The following CYP2C19 variants were observed in gnomAD, a reference collection of about 807,000 sequenced individuals.
CYP2C19 encodes the protein cytochrome P450 family 2 subfamily C member 19, also known as cytochrome P450 2C19.
In CYP2C19, 59 loss-of-function variants were observed where a neutral mutation model predicts 40.9. The observed-to-expected ratio is 1.44, with a 90% CI of 1.17 to 1.79. The LOEUF is 1.79. Ranked by LOEUF, CYP2C19 falls within the 40% of genes most tolerant of loss-of-function variation. CYP2C19 has a pLI of 0.00. For missense variants in CYP2C19, 754 were observed against 596.9 expected, an observed-to-expected ratio of 1.26 and a Z score of -2.74; for synonymous variants, 253 against 208.7, an observed-to-expected ratio of 1.21 and a Z score of -1.83.
chr10:94,854,217 C>T lies in CYP2C19; in HGVS notation c.*1303C>T, dbSNP rs1849699457. 6.6e-6 allele frequency among the ~76,000 whole-genome samples: 1 copy of T among 152,008 alleles called. No homozygotes were observed. The highest frequency in any genetic ancestry group is 1.5e-5 in the Non-Finnish European group (1 of 68,004). Reference sequence around the variant, plus strand: ...TATTTTTAGTAGAGACAGGGTTTCACTATGTGGGCCAGGCTAGTCTTGAAC... The same window carrying T: ...TATTTTTAGTAGAGACAGGGTTTCATTATGTGGGCCAGGCTAGTCTTGAAC... On this transcript the variant is annotated 3_prime_UTR_variant, in exon 9 of 9. Transcript: ENST00000371321.
chr10:94,808,529 C>T (rs556364065), intron 5 of CYP2C19, among the ~76,000 whole-genome samples: 3 of 152,082 alleles, frequency 2.0e-5, no homozygotes, highest in Non-Finnish European at 4.4e-5. Flanking sequence ...AGGACTTATT[C>T]ATTAATTATA....
chr10:94,811,951 C>T (rs886767521), intron 5 of CYP2C19, among the ~76,000 whole-genome samples: 2 of 145,362 alleles, frequency 1.4e-5, no homozygotes, highest in Non-Finnish European at 3.0e-5. Context: ...TTAGTTGATG[C>T]AGTTTTTTTA....
rs113810268 is a variant in CYP2C19 at position 94,764,187 on chromosome 10, C to T, written c.168+1314C>T. Among the ~76,000 whole-genome samples, 815 of 152,190 alleles carry T rather than the reference C, an allele frequency of 5.4e-3. 13 individuals carry two copies. The highest frequency in any genetic ancestry group is 7.1e-3 in the Non-Finnish European group (483 of 68,002). On this transcript the variant is annotated intron_variant, in intron 1 of 8. Transcript: ENST00000371321. The stretch of plus-strand genomic sequence containing the variant: ...AAAGCTTCCACAGCATGGAAGGGGA[C>T]CCAAGAGGGTTGCCGCTGCTGGCTC...
intron 5 of CYP2C19, among the ~76,000 whole-genome samples, chr10:94,807,869 G>A (rs1186461018): frequency 6.6e-6 from 1 of 151,796 alleles, no homozygotes; most frequent in Non-Finnish European, 1.5e-5. Flanking sequence ...TGTTTTCTTT[G>A]CCCTGCAGAA....
At chr10:94,782,207 T>C (rs1487737462) in intron 5 of CYP2C19, among the ~76,000 whole-genome samples, 1 of 152,124 alleles carries the variant, frequency 6.6e-6, no homozygotes, top group African/African-American at 2.4e-5. Flanking sequence ...GAAGAAATTG[T>C]TTAGATAAAT....
chr10:94,850,171 A>T, intron 8 of CYP2C19, 113 bp downstream of exon 8: 2 of 1,259,934 alleles, frequency 1.6e-6, no homozygotes, highest in Admixed American at 3.6e-5. Context: ...GTACATGATC[A>T]AGAGCACTGT....
chr10:94,796,047 T>G (rs1848681270), intron 5 of CYP2C19, among the ~76,000 whole-genome samples: 1 of 152,118 alleles, frequency 6.6e-6, no homozygotes, highest in Non-Finnish European at 1.5e-5. Flanking sequence ...CATTGCTTTT[T>G]GTGTTTTAGA....
intron 1 of CYP2C19, chr10:94,774,028 G>A (rs895666183): frequency 2.0e-5 from 3 of 152,168 alleles, no homozygotes; most frequent in African/African-American, 7.2e-5. Context: ...ACAGAGTGCT[G>A]ATTGGTGCAT....
intron 5 of CYP2C19, among the ~76,000 whole-genome samples, chr10:94,793,844 A>T (rs1848644193): frequency 6.6e-6 from 1 of 152,120 alleles, no homozygotes; most frequent in South Asian, 2.1e-4. Flanking sequence ...CCATTCTCAG[A>T]TTTCAAACTT....
chr10:94,785,764 C>T lies in CYP2C19; in HGVS notation c.819+3767C>T, dbSNP rs76081737. On this transcript the variant is annotated intron_variant, in intron 5 of 8. Coordinates refer to ENST00000371321, the MANE Select transcript of CYP2C19 (RefSeq NM_000769.4). ...TAGACAAGCAAGCTGGAAGCCTGCC[C>T]GGTGAATGCTGATAGGAAAGAACTA... is the stretch of plus-strand genomic sequence containing the variant. Among the ~76,000 whole-genome samples the T allele has an allele frequency of 7.2e-3, 1,093 of 152,140 alleles. 16 individuals carry two copies. Among genetic ancestry groups the T allele is most frequent in the African/African-American group, 0.025 (1,047 of 41,518 alleles).
intron 1 of CYP2C19, among the ~76,000 whole-genome samples, chr10:94,770,012 G>T (rs1303318102): frequency 1.3e-5 from 2 of 152,198 alleles, no homozygotes; most frequent in African/African-American, 4.8e-5. Flanking sequence ...AGAAATACCT[G>T]GTTACAGGCT....
chr10:94,802,510 ACAC>A (rs1430909118), intron 5 of CYP2C19, among the ~76,000 whole-genome samples: 1 of 152,098 alleles, frequency 6.6e-6, no homozygotes, highest in Non-Finnish European at 1.5e-5. Flanking sequence ...TGAATACAGC[ACAC>A]CAATAGGTCT....
chr10:94,841,793 T>G (rs897569614), intron 6 of CYP2C19, among the ~76,000 whole-genome samples: 1 of 152,214 alleles, frequency 6.6e-6, no homozygotes, highest in African/African-American at 2.4e-5. Context: ...CATTTACTTG[T>G]GTAGTTTCCA....
intron 6 of CYP2C19, among the ~76,000 whole-genome samples, chr10:94,841,054 C>T (rs1849487459): frequency 6.6e-6 from 1 of 151,918 alleles, no homozygotes; most frequent in African/African-American, 2.4e-5. Context: ...TGGTGGTGAT[C>T]CACTTCCAAG....
chr10:94,781,837 C>A lies in CYP2C19; in HGVS notation c.659C>A (p.Pro220His). 2.8e-6 allele frequency: 4 copies of A among 1,435,462 alleles called. No individual in the cohort carries two copies. Among genetic ancestry groups the A allele is most frequent in the Non-Finnish European group, 2.7e-6 (3 of 1,092,118 alleles). The allele number at this position is 1,435,462 out of a possible 1,614,324, so 88.9% of individuals were successfully genotyped here. A position where few individuals can be genotyped will look rare whatever the true frequency, so the allele number is the denominator to read the frequency against. Residue 220 changes from proline (P) to histidine (H), a missense_variant, in exon 5 of 9, where the codon CCC becomes CAC. Transcript: ENST00000371321. ...TTCTCTTAGATATGCAATAATTTTC[C>A]CACTATCATTGATTATTTCCCGGGA... ...TPWIQICNNFPTIIDYFPGTH... is the reference protein window; with the variant it reads ...TPWIQICNNFHTIIDYFPGTH...
intron 5 of CYP2C19, among the ~76,000 whole-genome samples, chr10:94,803,812 C>T (rs1000867608): frequency 2.0e-4 from 31 of 152,254 alleles, no homozygotes; most frequent in Admixed American, 7.9e-4. Flanking sequence ...AGCTCCCCTG[C>T]GGCCAGATCT....
chr10:94,849,139 C>T (rs936919704), intron 7 of CYP2C19, among the ~76,000 whole-genome samples: 5 of 152,106 alleles, frequency 3.3e-5, no homozygotes, highest in Non-Finnish European at 7.4e-5. Flanking sequence ...TGAGAGAGAA[C>T]ATCCCTGTCT....
chr10:94,763,881 G>A (rs1848206851), intron 1 of CYP2C19, among the ~76,000 whole-genome samples: 1 of 152,122 alleles, frequency 6.6e-6, no homozygotes, highest in Non-Finnish European at 1.5e-5. Flanking sequence ...TATTGTGCCA[G>A]AGTTTGTTCC....
intron 5 of CYP2C19, among the ~76,000 whole-genome samples, chr10:94,810,662 G>A (rs1239658501): frequency 6.6e-6 from 1 of 152,130 alleles, no homozygotes; most frequent in Admixed American, 6.5e-5. Context: ...AGATTTTCTA[G>A]TTTATTTGCA....
Sources: allele counts gnomAD v4.1 joint callset (sites outside exome capture counted in the v4.1 genomes callset), GRCh38; gene constraint gnomAD v4.1.1; transcripts MANE v1.5; gene names NCBI Gene and HGNC (gene_info 2026-07-23, HGNC 2026-07-21).